The following CSMD1 variants were observed in gnomAD, a reference collection of about 807,000 sequenced individuals.
CSMD1 encodes CUB and Sushi multiple domains 1.
A neutral mutation model predicts 417.5 loss-of-function variants in CSMD1; 213 were observed. That is an observed-to-expected ratio of 0.51 (90% CI 0.46 to 0.57). CSMD1 has a LOEUF of 0.57. Ranked by LOEUF, CSMD1 falls within the 20% of genes least tolerant of loss-of-function variation. CSMD1 has a pLI of 0.00. For synonymous variants in CSMD1, 2,862 were observed against 1,736.8 expected (o/e 1.65, Z -16.11); for missense variants, 6,923 against 4,529.7 (o/e 1.53, Z -15.17).
chr8:4,005,634 A>C (rs1359137334), intron 4 of CSMD1, among the ~76,000 whole-genome samples: 1 of 152,224 alleles, frequency 6.6e-6, no homozygotes, highest in East Asian at 1.9e-4. Flanking sequence ...TTGAGAGAAC[A>C]TAGGGTGTCT....
At chr8:3,385,105 A>AT (rs1563333674) in intron 18 of CSMD1, among the ~76,000 whole-genome samples, 3 of 93,384 alleles carry the variant, frequency 3.2e-5, no homozygotes, top group East Asian at 2.5e-4. Flanking sequence ...TATATATATA[A>AT]ATAAAAATAT....
chr8:4,569,740 A>G (rs1798793147), intron 2 of CSMD1, among the ~76,000 whole-genome samples: 1 of 152,082 alleles, frequency 6.6e-6, no homozygotes, highest in South Asian at 2.1e-4. Flanking sequence ...CAGTATGGCC[A>G]TTTTCACAAT....
chr8:3,684,910 T>C lies in CSMD1; in HGVS notation c.1009+23504A>G, dbSNP rs73183364. On this transcript the variant is annotated intron_variant, in intron 7 of 69. Coordinates refer to ENST00000635120, the MANE Select transcript of CSMD1 (RefSeq NM_033225.6). Reference sequence around the variant, plus strand: ...CTAAATTCTCTTCTGAAATTTGTAATGATGCCGGGAAGCACTTGGCCAAAG... The same window carrying C: ...CTAAATTCTCTTCTGAAATTTGTAACGATGCCGGGAAGCACTTGGCCAAAG... Among the ~76,000 whole-genome samples, 292 of 152,284 alleles carry C rather than the reference T, an allele frequency of 1.9e-3. 1 individual carries two copies. Among genetic ancestry groups the C allele is most frequent in the Non-Finnish European group, 2.4e-3 (164 of 68,020 alleles).
At chr8:4,273,700 A>G (rs1804745289) in intron 3 of CSMD1, among the ~76,000 whole-genome samples, 1 of 152,176 alleles carries the variant, frequency 6.6e-6, no homozygotes, top group Non-Finnish European at 1.5e-5. Flanking sequence ...GTATTCGAAT[A>G]TTCAGTTAAA....
At position 3,808,437 on chromosome 8, in the gene CSMD1, G is replaced by T. The variant is rs907528131; in HGVS notation, c.819-54395C>A. The stretch of plus-strand genomic sequence containing the variant: ...CTACTCAACCAAAACTCATTGGAAT[G>T]AGTCTTCAAAAGCTGTGTTTCTCTC... On this transcript the variant is annotated intron_variant, in intron 5 of 69. Transcript: ENST00000635120. 2.6e-5 allele frequency among the ~76,000 whole-genome samples: 4 copies of T among 152,148 alleles called. 1 individual carries two copies. The highest frequency in any genetic ancestry group is 1.3e-4 in the Admixed American group (2 of 15,272).
chr8:4,886,852 A>C (rs1449674460), intron 1 of CSMD1, among the ~76,000 whole-genome samples: 1 of 152,048 alleles, frequency 6.6e-6, no homozygotes, highest in Admixed American at 6.5e-5. Context: ...TTCAGATTTA[A>C]GTAACTTTTC....
intron 1 of CSMD1, among the ~76,000 whole-genome samples, chr8:4,975,136 C>G (rs1478114158): frequency 6.6e-6 from 1 of 152,086 alleles, no homozygotes; most frequent in Non-Finnish European, 1.5e-5. Flanking sequence ...ATCAATGTGA[C>G]CTAGTGGTTC....
At chr8:3,133,052 G>T (rs991589500) in intron 41 of CSMD1, among the ~76,000 whole-genome samples, 2 of 152,280 alleles carry the variant, frequency 1.3e-5, no homozygotes, top group South Asian at 4.1e-4. Context: ...GGATACACTG[G>T]AATAAAAGGC....
intron 2 of CSMD1, among the ~76,000 whole-genome samples, chr8:4,508,284 T>C (rs1430476451): frequency 6.6e-6 from 1 of 151,932 alleles, no homozygotes; most frequent in Non-Finnish European, 1.5e-5. Flanking sequence ...CTAGATGCAT[T>C]GGAGTGATAT....
chr8:4,066,875 G>C (rs903353019), intron 3 of CSMD1, among the ~76,000 whole-genome samples: 1 of 152,146 alleles, frequency 6.6e-6, no homozygotes, highest in Non-Finnish European at 1.5e-5. Flanking sequence ...ATTTAACACA[G>C]CCTCACAGAA....
intron 3 of CSMD1, among the ~76,000 whole-genome samples, chr8:4,116,668 G>A (rs72624077): frequency 0.11 from 15,480 of 138,196 alleles, 1,701 homozygotes; most frequent in East Asian, 0.32. Context: ...ATCCGACGGC[G>A]ATGTACGAGT....
intron 1 of CSMD1, among the ~76,000 whole-genome samples, chr8:4,932,700 C>A (rs62488182): frequency 0.012 from 1,760 of 152,288 alleles, 28 homozygotes; most frequent in African/African-American, 0.039. Flanking sequence ...GCCAGCAACA[C>A]ACCATGTGCT....
At chr8:4,079,282 C>T (rs1799999436) in intron 3 of CSMD1, among the ~76,000 whole-genome samples, 1 of 152,162 alleles carries the variant, frequency 6.6e-6, no homozygotes, top group Non-Finnish European at 1.5e-5. Context: ...TTATCAAGTA[C>T]TGTACCATGA....
At chr8:3,282,041 G>A (rs1055802295) in intron 26 of CSMD1, among the ~76,000 whole-genome samples, 1 of 152,128 alleles carries the variant, frequency 6.6e-6, no homozygotes, top group African/African-American at 2.4e-5. Context: ...AGTTTCCTGA[G>A]GCCCTCCCAG....
intron 25 of CSMD1, among the ~76,000 whole-genome samples, chr8:3,297,449 A>T (rs1034856156): frequency 6.6e-6 from 1 of 152,214 alleles, no homozygotes; most frequent in African/African-American, 2.4e-5. Flanking sequence ...GAATTAAGTT[A>T]GGTTTTGTAC....
chr8:4,523,204 A>G (rs1803570943), intron 2 of CSMD1, among the ~76,000 whole-genome samples: 1 of 152,190 alleles, frequency 6.6e-6, no homozygotes, highest in African/African-American at 2.4e-5. Flanking sequence ...TTAATACTTG[A>G]CATGTTCACA....
intron 19 of CSMD1, among the ~76,000 whole-genome samples, chr8:3,367,593 T>C (rs1267450310): frequency 2.6e-5 from 4 of 152,040 alleles, no homozygotes; most frequent in African/African-American, 4.8e-5. Context: ...CTTTGAAGTT[T>C]AAGAGGAAAA....
chr8:3,476,740 A>C (rs559219161), intron 11 of CSMD1, among the ~76,000 whole-genome samples: 9 of 152,120 alleles, frequency 5.9e-5, no homozygotes, highest in African/African-American at 2.2e-4. Flanking sequence ...CAACATGATC[A>C]AACTCCATCT....
chr8:3,653,764 G>A (rs1325353529), intron 7 of CSMD1, among the ~76,000 whole-genome samples: 1 of 152,118 alleles, frequency 6.6e-6, no homozygotes, highest in East Asian at 1.9e-4. Context: ...TACACAGTGG[G>A]TCCCCAAAAT....
Sources: gnomAD v4.1 joint callset for allele counts (sites outside exome capture counted in the v4.1 genomes callset) on GRCh38, gnomAD v4.1.1 for gene constraint, MANE v1.5 for transcripts, NCBI Gene and HGNC (gene_info 2026-07-23, HGNC 2026-07-21) for gene names.